EHBP1: variants seen among roughly 807,000 people sequenced by gnomAD.
The protein encoded by EHBP1 is EH domain-binding protein 1.
Under a neutral mutation model 144.0 loss-of-function variants are expected in EHBP1, and 55 were observed. The observed-to-expected ratio is 0.38, with a 90% CI of 0.31 to 0.48. EHBP1 has a LOEUF of 0.48. Among genes scored for constraint, EHBP1 ranks in the 20% least tolerant of loss-of-function variants. The probability of loss-of-function intolerance (pLI) is 0.98; values close to 1 mark genes in which losing one functional copy is unlikely to be tolerated. For missense variants in EHBP1, 1,200 were observed against 1,364.2 expected (o/e 0.88, Z 1.90); for synonymous variants, 469 against 472.7 (o/e 0.99, Z 0.10).
intron 2 of EHBP1, among the ~76,000 whole-genome samples, chr2:62,745,168 C>T (rs1429697452): frequency 1.3e-5 from 2 of 151,914 alleles, no homozygotes; most frequent in Non-Finnish European, 2.9e-5. Context: ...TATTCAGTGC[C>T]GCATATTCAT....
At chr2:62,720,809 C>A (rs573995388) in intron 2 of EHBP1, among the ~76,000 whole-genome samples, 2 of 152,138 alleles carry the variant, frequency 1.3e-5, no homozygotes, top group Admixed American at 1.3e-4. Context: ...TACACTAACA[C>A]TAATGACAGT....
At chr2:62,679,524 C>T (rs760609692) in intron 1 of EHBP1, among the ~76,000 whole-genome samples, 49 of 152,204 alleles carry the variant, frequency 3.2e-4, no homozygotes, top group Non-Finnish European at 6.0e-4. Flanking sequence ...CTCCCTACCC[C>T]CATAATTGGC....
intron 14 of EHBP1, among the ~76,000 whole-genome samples, chr2:62,963,602 T>G (rs531245354): frequency 1.3e-4 from 20 of 152,330 alleles, no homozygotes; most frequent in African/African-American, 4.1e-4. Context: ...CAAGTTAAAA[T>G]TTCGTATTTT....
rs1444641614 is a variant in EHBP1 at position 62,948,559 on chromosome 2, C to A, written c.1713C>A (p.Asp571Glu). Residue 571 changes from aspartate to glutamate, a missense_variant, in exon 13 of 23, where the codon GAC becomes GAA. Asp to Glu is a conservative substitution (Grantham distance 45). Transcript: ENST00000431489. ...ELQQPISGAV[D>E]FLSQDDSVFV... ...AACAGCCTATCAGCGGAGCAGTAGA[C>A]TTCTTATCACAGGATGACTCTGTAT... The A allele has an allele frequency of 6.2e-7, 1 of 1,614,100 alleles. No homozygotes were observed. Among genetic ancestry groups the A allele is most frequent in the South Asian group, 1.1e-5 (1 of 91,084 alleles).
chr2:62,805,595 A>G (rs2044384579), intron 5 of EHBP1, among the ~76,000 whole-genome samples: 1 of 151,570 alleles, frequency 6.6e-6, no homozygotes, highest in Non-Finnish European at 1.5e-5. Flanking sequence ...GCTCACTGCA[A>G]CCTCCTCCTC....
chr2:62,715,561 G>C (rs556180725), intron 2 of EHBP1, among the ~76,000 whole-genome samples: 12 of 152,104 alleles, frequency 7.9e-5, no homozygotes, highest in Admixed American at 6.6e-4. Context: ...ACTTGGTGTG[G>C]CCATGTGATT....
chr2:62,882,071 G>A (rs940718409), intron 10 of EHBP1, among the ~76,000 whole-genome samples: 2 of 152,190 alleles, frequency 1.3e-5, no homozygotes, highest in Non-Finnish European at 2.9e-5. Context: ...TTGAAGTTCA[G>A]TAGTTTCTTT....
chr2:62,880,474 T>C (rs1014194240), intron 10 of EHBP1, among the ~76,000 whole-genome samples: 6 of 151,906 alleles, frequency 3.9e-5, no homozygotes, highest in African/African-American at 1.2e-4. Flanking sequence ...ATCTACAGAA[T>C]TGGAGAAAAT....
At chr2:62,829,981 C>G (rs1203212987) in intron 6 of EHBP1, among the ~76,000 whole-genome samples, 1 of 150,696 alleles carries the variant, frequency 6.6e-6, no homozygotes, top group Non-Finnish European at 1.5e-5. Context: ...CCAGGAATCC[C>G]ACTGCAGGGT....
At chr2:62,834,406 C>G (rs2047055850) in intron 7 of EHBP1, among the ~76,000 whole-genome samples, 1 of 152,146 alleles carries the variant, frequency 6.6e-6, no homozygotes, top group Non-Finnish European at 1.5e-5. Context: ...AGGAATTACC[C>G]AACCTTCAGC....
chr2:62,969,020 T>C (rs1234677545), intron 14 of EHBP1, among the ~76,000 whole-genome samples: 2 of 152,228 alleles, frequency 1.3e-5, no homozygotes, highest in South Asian at 2.1e-4. Context: ...TCTTCTTTTA[T>C]TCTTATAATT....
At chr2:63,027,254 G>T (rs143341366) in intron 19 of EHBP1, among the ~76,000 whole-genome samples, 233 of 152,310 alleles carry the variant, frequency 1.5e-3, no homozygotes, top group Non-Finnish European at 2.0e-3. Flanking sequence ...GTTATTGGTT[G>T]TCAGTGATCT....
At chr2:62,746,623 A>C (rs2039181987) in intron 2 of EHBP1, among the ~76,000 whole-genome samples, 1 of 152,098 alleles carries the variant, frequency 6.6e-6, no homozygotes, top group African/African-American at 2.4e-5. Flanking sequence ...AAGAGAACTT[A>C]GTTATATTAG....
chr2:62,859,046 A>T, intron 7 of EHBP1, 123 bp from the exon 8 acceptor site: 2 of 868,662 alleles, frequency 2.3e-6, no homozygotes, highest in Non-Finnish European at 3.3e-6. Flanking sequence ...TCATTGGTAA[A>T]ATGCTATATA....
At chr2:62,801,660 T>G (rs2043997057) in intron 5 of EHBP1, among the ~76,000 whole-genome samples, 1 of 152,244 alleles carries the variant, frequency 6.6e-6, no homozygotes, top group Non-Finnish European at 1.5e-5. Flanking sequence ...CTTAAAATCA[T>G]GCTTACATGT....
intron 10 of EHBP1, among the ~76,000 whole-genome samples, chr2:62,876,685 A>G (rs898077058): frequency 6.6e-6 from 1 of 152,216 alleles, no homozygotes; most frequent in African/African-American, 2.4e-5. Flanking sequence ...ACTTAAAATC[A>G]TGGCAGAAGG....
chr2:63,033,642 A>G (rs544174412), intron 19 of EHBP1, among the ~76,000 whole-genome samples: 11 of 152,298 alleles, frequency 7.2e-5, no homozygotes, highest in Middle Eastern at 3.4e-3. Flanking sequence ...TAAAACATTC[A>G]TAATTTCTGG....
chr2:62,730,654 GAGAT>G (rs1274642483), intron 2 of EHBP1, among the ~76,000 whole-genome samples: 3 of 151,238 alleles, frequency 2.0e-5, no homozygotes, highest in Admixed American at 1.3e-4. Context: ...GAGACAGAGA[GAGAT>G]AGACAAAGAT....
At chr2:62,747,532 T>C in intron 3 of EHBP1, 80 bp downstream of exon 3, 1 of 1,081,136 alleles carries the variant, frequency 9.2e-7, no homozygotes, top group Non-Finnish European at 1.4e-6. Flanking sequence ...TAGAATATTT[T>C]AAAATATTAC....
Sources: allele counts gnomAD v4.1 joint callset (sites outside exome capture counted in the v4.1 genomes callset), GRCh38; gene constraint gnomAD v4.1.1; transcripts MANE v1.5; gene names NCBI Gene and HGNC (gene_info 2026-07-23, HGNC 2026-07-21).